Variants in EFCAB11 observed in about 807,000 individuals in gnomAD.
EFCAB11 encodes EF-hand calcium-binding domain-containing protein 11.
In EFCAB11, 14 loss-of-function variants were observed where a neutral mutation model predicts 23.0. The ratio of observed to expected loss-of-function variants is 0.61; its 90% CI spans 0.40 to 0.95. The LOEUF (loss-of-function observed/expected upper bound fraction) is 0.95. EFCAB11 is among the 40% of genes least tolerant of loss of function. The pLI is 0.00. For synonymous variants in EFCAB11, 65 were observed against 66.6 expected (o/e 0.98, Z 0.11); for missense variants, 198 against 195.8 (o/e 1.01, Z -0.07).
intron 3 of EFCAB11, among the ~76,000 whole-genome samples, chr14:89,935,062 C>T (rs1333237680): frequency 1.3e-5 from 2 of 152,168 alleles, no homozygotes; most frequent in African/African-American, 4.8e-5. Flanking sequence ...ATATTTGTAT[C>T]TCCTTCCAGA....
intron 5 of EFCAB11, among the ~76,000 whole-genome samples, chr14:89,888,910 G>A (rs1379130975): frequency 6.6e-6 from 1 of 152,188 alleles, no homozygotes; most frequent in Non-Finnish European, 1.5e-5. Context: ...ATGGCGCTGT[G>A]ATACTGTCTC....
At chr14:89,858,744 C>T (rs2140147629) in intron 5 of EFCAB11, among the ~76,000 whole-genome samples, 1 of 145,068 alleles carries the variant, frequency 6.9e-6, no homozygotes, top group South Asian at 2.2e-4. Context: ...AAGCGATCTG[C>T]CTGCTTTGGC....
At chr14:89,816,211 G>A (rs1886333969) in intron 5 of EFCAB11, among the ~76,000 whole-genome samples, 2 of 152,046 alleles carry the variant, frequency 1.3e-5, no homozygotes, top group South Asian at 4.1e-4. Flanking sequence ...TATATAAATG[G>A]TACTGATTTC....
chr14:89,911,958 T>C (rs1313976122), intron 5 of EFCAB11, among the ~76,000 whole-genome samples: 4 of 152,182 alleles, frequency 2.6e-5, no homozygotes, highest in Non-Finnish European at 5.9e-5. Context: ...TTTATAGCTG[T>C]TCCCTCTACA....
rs75691842 is a variant in EFCAB11 at position 89,909,876 on chromosome 14, C to T, written c.410+21665G>A. On this transcript the variant is annotated intron_variant, in intron 5 of 5. Transcript: ENST00000316738. ...GCCCTCCCTCCTTCCCTGGCTAAGG[C>T]GAAGTCAGGCAAATGGAGACCATCC... Among the ~76,000 whole-genome samples, 7 of 152,280 alleles carry T rather than the reference C, an allele frequency of 4.6e-5. No individual in the cohort carries two copies. The South Asian group carries it at 1.0e-3, about 23-fold the overall frequency.
intron 5 of EFCAB11, among the ~76,000 whole-genome samples, chr14:89,878,309 A>G (rs930106690): frequency 2.6e-5 from 4 of 152,238 alleles, no homozygotes; most frequent in Non-Finnish European, 5.9e-5. Context: ...TTTAACTGCC[A>G]GGTATGGGAT....
chr14:89,836,981 G>C, intron 5 of EFCAB11: 1 of 453,944 alleles, frequency 2.2e-6, no homozygotes, highest in Non-Finnish European at 4.4e-6. Context: ...AAGACTGTGC[G>C]ACTGTACTCC....
intron 5 of EFCAB11, among the ~76,000 whole-genome samples, chr14:89,885,783 G>A (rs1888747919): frequency 6.7e-6 from 1 of 149,556 alleles, no homozygotes; most frequent in Non-Finnish European, 1.5e-5. Context: ...AAGAAAGAGA[G>A]AAAGAAAGAA....
intron 3 of EFCAB11, among the ~76,000 whole-genome samples, chr14:89,941,877 A>T (rs1890807878): frequency 6.6e-6 from 1 of 152,030 alleles, no homozygotes; most frequent in South Asian, 2.1e-4. Flanking sequence ...TATAATGAGG[A>T]TAATATGGTT....
At chr14:89,852,597 A>G (rs1469930398) in intron 5 of EFCAB11, among the ~76,000 whole-genome samples, 2 of 152,202 alleles carry the variant, frequency 1.3e-5, no homozygotes, top group African/African-American at 4.8e-5. Context: ...TAAACTTAAA[A>G]TAAGTTTCCT....
intron 5 of EFCAB11, chr14:89,924,622 A>G (rs1890131470): frequency 6.5e-7 from 1 of 1,535,520 alleles, no homozygotes; most frequent in Non-Finnish European, 8.7e-7. Flanking sequence ...TCAAGAAAGA[A>G]CTTTAAGTCA....
rs917463123 is a variant in EFCAB11 at position 89,835,649 on chromosome 14, A to G, written c.411-38325T>C. 3.7e-3 allele frequency among the ~76,000 whole-genome samples: 338 copies of G among 91,716 alleles called. 1 individual carries two copies. Among genetic ancestry groups the G allele is most frequent in the African/African-American group, 0.019 (334 of 17,376 alleles). 60.2% of individuals were successfully genotyped at this position (91,716 alleles called of 152,430 possible). On this transcript the variant is annotated intron_variant, in intron 5 of 5. Transcript: ENST00000316738. ...GTGTGTGTGTGTGTGTGTGTTTGAG[A>G]CGTTGTCTCACTCTGTTGCCCAGGC...
chr14:89,799,343 C>G (rs1426925004), intron 5 of EFCAB11: 8 of 152,058 alleles, frequency 5.3e-5, no homozygotes, highest in Non-Finnish European at 4.4e-5. Flanking sequence ...GGTCATCTCA[C>G]GGAGAGTGCA....
intron 3 of EFCAB11, among the ~76,000 whole-genome samples, chr14:89,938,437 C>T (rs954077147): frequency 2.6e-5 from 4 of 152,040 alleles, no homozygotes; most frequent in African/African-American, 4.8e-5. Flanking sequence ...ATAATGTGTT[C>T]GCACAGAAAG....
Position 89,950,097 on chromosome 14 carries a change from C to T in EFCAB11, c.217G>A (p.Gly73Ser), listed in dbSNP as rs1350801473. The change falls in exon 3 of 6, where the codon GGT becomes AGT. Residue 73 changes from glycine (G) to serine (S), a missense_variant and splice_region_variant. Gly to Ser is a moderately conservative substitution (Grantham distance 56, BLOSUM62 0). Transcript: ENST00000316738. Reference protein sequence around the residue: ...VMSSINPNTSGILLEGFLNIV... With the variant: ...VMSSINPNTSSILLEGFLNIV... ...AAATTAATATTAACTTTCATATTAC[C>T]AGAAGTATTTGGATTTATTGAAGAC... 1.3e-6 allele frequency: 2 copies of T among 1,550,570 alleles called. No homozygotes were observed. Among genetic ancestry groups the T allele is most frequent in the South Asian group, 1.1e-5 (1 of 87,736 alleles).
intron 5 of EFCAB11, among the ~76,000 whole-genome samples, chr14:89,902,218 C>T (rs768091115): frequency 3.9e-5 from 6 of 152,166 alleles, no homozygotes; most frequent in South Asian, 2.1e-4. Flanking sequence ...GATGGCTCTT[C>T]GTCATTTAGG....
At chr14:89,949,251 A>G (rs988182957) in intron 3 of EFCAB11, among the ~76,000 whole-genome samples, 4 of 152,162 alleles carry the variant, frequency 2.6e-5, no homozygotes, top group African/African-American at 9.7e-5. Flanking sequence ...ACCTCTCTAT[A>G]TATACACCTA....
rs150106561 is a variant in EFCAB11, at chr14:89,796,511, G to C, written c.*732C>G. The C allele has an allele frequency of 6.6e-6, 1 of 151,908 alleles. No homozygotes were observed. 9.4% of individuals were successfully genotyped at this position (151,908 alleles called of 1,614,324 possible). ...AATTTTTTGGTAGGGATGGGGTCTCGGTATGTTGCCCAGGCTAGTCTCCAA... is the reference window on the plus strand; with the variant it reads ...AATTTTTTGGTAGGGATGGGGTCTCCGTATGTTGCCCAGGCTAGTCTCCAA... On this transcript the variant is annotated 3_prime_UTR_variant, in exon 6 of 6. Coordinates refer to ENST00000316738, the MANE Select transcript of EFCAB11 (RefSeq NM_145231.4).
chr14:89,918,098 A>G (rs1410223922), intron 5 of EFCAB11, among the ~76,000 whole-genome samples: 3 of 152,180 alleles, frequency 2.0e-5, no homozygotes, highest in Non-Finnish European at 2.9e-5. Context: ...GGATATGAGT[A>G]TATCTTCAGG....
Sources: allele counts gnomAD v4.1 joint callset (sites outside exome capture counted in the v4.1 genomes callset), GRCh38; gene constraint gnomAD v4.1.1; transcripts MANE v1.5; gene names NCBI Gene and HGNC (gene_info 2026-07-23, HGNC 2026-07-21).